CADPS: variants seen among roughly 807,000 people sequenced by gnomAD.
CADPS encodes calcium dependent secretion activator.
A neutral mutation model predicts 167.3 loss-of-function variants in CADPS; 57 were observed. That is an observed-to-expected ratio of 0.34 (90% CI 0.28 to 0.42). The LOEUF (loss-of-function observed/expected upper bound fraction) is 0.42. Ranked by LOEUF, CADPS falls within the 20% of genes least tolerant of loss-of-function variation. The pLI is 1.00. For synonymous variants in CADPS, 676 were observed against 635.3 expected (o/e 1.06, Z -0.96); for missense variants, 1,414 against 1,738.1 (o/e 0.81, Z 3.32).
chr3:62,827,751 T>C (rs2074332046), intron 1 of CADPS, among the ~76,000 whole-genome samples: 1 of 152,122 alleles, frequency 6.6e-6, no homozygotes, highest in African/African-American at 2.4e-5. Context: ...TGGTCCAGAT[T>C]AAGCCATATT....
At position 62,875,344 on chromosome 3, in the gene CADPS, G is replaced by C. The variant is rs1467943685; in HGVS notation, c.-315C>G. 2 of 181,478 alleles carry C rather than the reference G, an allele frequency of 1.1e-5. No individual in the cohort carries two copies. Among genetic ancestry groups the C allele is most frequent in the East Asian group, 2.7e-4 (2 of 7,456 alleles). 11.2% of individuals were successfully genotyped at this position (181,478 alleles called of 1,614,324 possible). A position where few individuals can be genotyped will look rare whatever the true frequency, so the allele number is the denominator to read the frequency against. On this transcript the variant is annotated 5_prime_UTR_variant, in exon 1 of 30. Coordinates refer to ENST00000383710, the MANE Select transcript of CADPS (RefSeq NM_003716.4). Reference sequence around the variant, plus strand: ...ATGCCATCTGCGGCTGCTGAAGGAGGCGCCTCCAGAAAAGATGCCGAGTGT... The same window carrying C: ...ATGCCATCTGCGGCTGCTGAAGGAGCCGCCTCCAGAAAAGATGCCGAGTGT...
At position 62,578,952 on chromosome 3, in the gene CADPS, A is replaced by G. The variant is rs141045146; in HGVS notation, c.1577+6233T>C. On this transcript the variant is annotated intron_variant, in intron 8 of 29. Coordinates refer to ENST00000383710, the MANE Select transcript of CADPS (RefSeq NM_003716.4). ...GGTGTCTTGGAGACCTATGAGGAGG[A>G]GAGAAGTGTGATGATTTTGAAGAAA... is the stretch of plus-strand genomic sequence containing the variant. Among the ~76,000 whole-genome samples, 595 of 152,254 alleles carry G rather than the reference A, an allele frequency of 3.9e-3. 5 individuals are homozygous for G. The highest frequency in any genetic ancestry group is 0.013 in the African/African-American group (547 of 41,558).
chr3:62,476,735 G>A (rs938986372), intron 23 of CADPS, among the ~76,000 whole-genome samples: 1 of 152,116 alleles, frequency 6.6e-6, no homozygotes, highest in African/African-American at 2.4e-5. Context: ...GCCTCTCCAT[G>A]AAGGACATGC....
chr3:62,730,774 C>A (rs146379201), intron 3 of CADPS, among the ~76,000 whole-genome samples: 1 of 152,204 alleles, frequency 6.6e-6, no homozygotes, highest in Non-Finnish European at 1.5e-5. Flanking sequence ...ACTTTCCTGA[C>A]GTCTTCTGGC....
intron 1 of CADPS, among the ~76,000 whole-genome samples, chr3:62,786,413 AG>A (rs992208116): frequency 1.8e-4 from 27 of 152,234 alleles, no homozygotes; most frequent in Admixed American, 1.2e-3. Context: ...AGGCTGAGGC[AG>A]GGAGATTGCT....
chr3:62,536,533 T>C lies in CADPS; in HGVS notation c.2015A>G (p.Asn672Ser). The C allele has an allele frequency of 1.2e-6, 2 of 1,613,154 alleles. No homozygotes were observed. Among genetic ancestry groups the C allele is most frequent in the Non-Finnish European group, 1.7e-6 (2 of 1,179,240 alleles). ...GGAAGCGTGGTCAAAGTTACAGGGG[T>C]TGGAAGAGATAAATTCATCCATGCC... Reference protein sequence around the residue: ...KHGMDEFISSNPCNFDHASLF... With the variant: ...KHGMDEFISSSPCNFDHASLF... The change falls in exon 12 of 30, where the codon AAC (asparagine) becomes AGC (serine). Residue 672 changes from asparagine to serine, a missense_variant. Coordinates refer to ENST00000383710, the MANE Select transcript of CADPS (RefSeq NM_003716.4).
intron 6 of CADPS, chr3:62,626,219 C>T: frequency 4.0e-6 from 1 of 252,186 alleles, no homozygotes; most frequent in Non-Finnish European, 7.4e-6. Flanking sequence ...TCATTCCGGT[C>T]ATTGAGAAGA....
intron 3 of CADPS, among the ~76,000 whole-genome samples, chr3:62,721,578 C>T (rs981113908): frequency 3.9e-5 from 6 of 152,078 alleles, no homozygotes; most frequent in Admixed American, 3.9e-4. Context: ...AACTTCCAGA[C>T]TATTCTGCTG....
At chr3:62,663,214 G>A (rs2073697342) in intron 3 of CADPS, among the ~76,000 whole-genome samples, 1 of 152,116 alleles carries the variant, frequency 6.6e-6, no homozygotes, top group African/African-American at 2.4e-5. Flanking sequence ...CTCCTCCCTT[G>A]CAGGTGAAGA....
chr3:62,490,052 G>T (rs1474233921), intron 21 of CADPS, among the ~76,000 whole-genome samples: 1 of 152,116 alleles, frequency 6.6e-6, no homozygotes, highest in African/African-American at 2.4e-5. Flanking sequence ...ATGTGGAAGG[G>T]GGGCAGAAAA....
intron 8 of CADPS, among the ~76,000 whole-genome samples, chr3:62,577,851 T>A (rs2082596329): frequency 6.6e-6 from 1 of 152,154 alleles, no homozygotes; most frequent in Admixed American, 6.5e-5. Flanking sequence ...TAATTGGCAT[T>A]TAGGGATAAC....
chr3:62,770,900 C>T (rs536745989), intron 1 of CADPS, among the ~76,000 whole-genome samples: 3 of 152,278 alleles, frequency 2.0e-5, no homozygotes, highest in Admixed American at 1.3e-4. Context: ...TGTTTTTGAA[C>T]TTGGTGTCAA....
At chr3:62,817,508 A>C (rs534940420) in intron 1 of CADPS, among the ~76,000 whole-genome samples, 1 of 152,298 alleles carries the variant, frequency 6.6e-6, no homozygotes, top group South Asian at 2.1e-4. Flanking sequence ...AAGTTTGTAG[A>C]AACTTTTTGA....
intron 3 of CADPS, among the ~76,000 whole-genome samples, chr3:62,674,393 T>G (rs910896527): frequency 5.9e-5 from 9 of 152,308 alleles, no homozygotes; most frequent in African/African-American, 2.2e-4. Flanking sequence ...GGTCTATTCA[T>G]AAGTCTACCT....
At chr3:62,547,198 C>T (rs2076583593) in intron 11 of CADPS, among the ~76,000 whole-genome samples, 1 of 151,964 alleles carries the variant, frequency 6.6e-6, no homozygotes, top group Non-Finnish European at 1.5e-5. Flanking sequence ...AATAAAGTAA[C>T]CATGGGACGG....
At chr3:62,500,222 C>G (rs2065514922) in intron 17 of CADPS, 1 of 152,188 alleles carries the variant, frequency 6.6e-6, no homozygotes, top group Non-Finnish European at 1.5e-5. Context: ...GTGGTGCGAT[C>G]TCAGCTCACT....
intron 1 of CADPS, among the ~76,000 whole-genome samples, chr3:62,827,360 G>C (rs1030503041): frequency 6.6e-6 from 1 of 152,150 alleles, no homozygotes; most frequent in Non-Finnish European, 1.5e-5. Context: ...AGATGAAAGT[G>C]TATTTTCATT....
At chr3:62,865,715 T>A (rs2081567183) in intron 1 of CADPS, among the ~76,000 whole-genome samples, 1 of 152,132 alleles carries the variant, frequency 6.6e-6, no homozygotes, top group African/African-American at 2.4e-5. Context: ...TTTTACTTTT[T>A]ATTGATGTTT....
intron 3 of CADPS, among the ~76,000 whole-genome samples, chr3:62,744,101 T>C (rs1255582339): frequency 6.6e-6 from 1 of 152,148 alleles, no homozygotes; most frequent in East Asian, 1.9e-4. Flanking sequence ...CCTTTTAGCT[T>C]CTTTACTAAA....
Sources: gnomAD v4.1 joint callset for allele counts (sites outside exome capture counted in the v4.1 genomes callset) on GRCh38, gnomAD v4.1.1 for gene constraint, MANE v1.5 for transcripts, NCBI Gene and HGNC (gene_info 2026-07-23, HGNC 2026-07-21) for gene names.